UVRAG: variants seen among roughly 807,000 people sequenced by gnomAD.
UVRAG encodes the protein UV radiation resistance-associated gene protein.
Under a neutral mutation model 78.0 loss-of-function variants are expected in UVRAG, and 19 were observed. The ratio of observed to expected loss-of-function variants is 0.24; its 90% CI spans 0.17 to 0.36. The LOEUF (loss-of-function observed/expected upper bound fraction) is 0.36. Among genes scored for constraint, UVRAG ranks in the 10% least tolerant of loss-of-function variants. UVRAG has a pLI of 1.00. For synonymous variants in UVRAG, 323 were observed against 324.6 expected, an observed-to-expected ratio of 1.00 and a Z score of 0.05; for missense variants, 740 against 853.8, an observed-to-expected ratio of 0.87 and a Z score of 1.66.
chr11:76,047,957 A>G (rs1235898356), intron 12 of UVRAG, among the ~76,000 whole-genome samples: 1 of 152,178 alleles, frequency 6.6e-6, no homozygotes, highest in East Asian at 1.9e-4. Flanking sequence ...GCAGAACTAA[A>G]CCATATGTTT....
At chr11:76,077,034 C>G (rs1287670260) in intron 13 of UVRAG, among the ~76,000 whole-genome samples, 1 of 149,714 alleles carries the variant, frequency 6.7e-6, no homozygotes, top group Non-Finnish European at 1.5e-5. Flanking sequence ...AAAAAGATGT[C>G]TATTGAAAGA....
chr11:76,030,163 A>G (rs1290618398), intron 12 of UVRAG, among the ~76,000 whole-genome samples: 3 of 152,020 alleles, frequency 2.0e-5, no homozygotes, highest in African/African-American at 4.8e-5. Context: ...AAAAAACTGT[A>G]TGAGTCACTC....
At chr11:75,961,628 A>C (rs1948913008) in intron 7 of UVRAG, 79 bp downstream of exon 7, 18 of 1,124,722 alleles carry the variant, frequency 1.6e-5, no homozygotes, top group Non-Finnish European at 1.4e-5. Flanking sequence ...GTTAATTTTA[A>C]AAAACGCTTT....
At chr11:75,898,756 G>A (rs1472405222) in intron 5 of UVRAG, among the ~76,000 whole-genome samples, 2 of 152,074 alleles carry the variant, frequency 1.3e-5, no homozygotes, top group Non-Finnish European at 2.9e-5. Flanking sequence ...CGTCTTAGGG[G>A]GGCAAGTAGT....
chr11:76,064,733 C>G (rs994019752), intron 12 of UVRAG, among the ~76,000 whole-genome samples: 1 of 152,082 alleles, frequency 6.6e-6, no homozygotes, highest in African/African-American at 2.4e-5. Context: ...ATAATATCCT[C>G]TAGGCTTTAT....
intron 4 of UVRAG, among the ~76,000 whole-genome samples, chr11:75,883,200 T>C (rs1283492515): frequency 6.6e-6 from 1 of 152,028 alleles, no homozygotes; most frequent in Non-Finnish European, 1.5e-5. Context: ...CCTGAAGGGC[T>C]TTTTTGGCTA....
At chr11:76,137,116 T>TA in intron 14 of UVRAG, 1 of 268,678 alleles carries the variant, frequency 3.7e-6, no homozygotes, top group Middle Eastern at 4.5e-4. Context: ...ATATAATAAA[T>TA]ACAGCATATT....
At position 76,143,585 on chromosome 11, in the gene UVRAG, G is replaced by A. The variant is rs1786776324; in HGVS notation, c.*2172G>A. On this transcript the variant is annotated 3_prime_UTR_variant, in exon 15 of 15. Transcript: ENST00000356136. ...TCGACCCACACAGCCCCGTGGTGAT[G>A]CCTCAAAACACCACTTAGGTTTGGG... is the stretch of plus-strand genomic sequence containing the variant. Among the ~76,000 whole-genome samples the A allele has an allele frequency of 6.6e-6, 1 of 152,252 alleles. No homozygotes were observed. Among genetic ancestry groups the A allele is most frequent in the South Asian group, 2.1e-4 (1 of 4,836 alleles).
chr11:76,082,534 C>T (rs866488232), intron 13 of UVRAG, among the ~76,000 whole-genome samples: 13 of 56,986 alleles, frequency 2.3e-4, no homozygotes, highest in African/African-American at 6.9e-4. Flanking sequence ...AGCGAGACTC[C>T]GTCCCAAAAA....
intron 1 of UVRAG, among the ~76,000 whole-genome samples, chr11:75,845,168 T>C (rs1011118104): frequency 6.6e-6 from 1 of 152,188 alleles, no homozygotes; most frequent in Non-Finnish European, 1.5e-5. Context: ...TTAGTGAATG[T>C]TTTTAACCTT....
intron 6 of UVRAG, among the ~76,000 whole-genome samples, chr11:75,919,520 C>T (rs1947929189): frequency 6.6e-6 from 1 of 152,166 alleles, no homozygotes; most frequent in East Asian, 1.9e-4. Flanking sequence ...AGTGATAAAT[C>T]ATATTAGCTA....
intron 13 of UVRAG, among the ~76,000 whole-genome samples, chr11:76,111,113 T>G (rs1446797292): frequency 6.6e-6 from 1 of 152,094 alleles, no homozygotes; most frequent in East Asian, 1.9e-4. Flanking sequence ...CTGAATATGT[T>G]TGTTTAAGTC....
chr11:75,904,161 A>G (rs1391386803), intron 5 of UVRAG, among the ~76,000 whole-genome samples: 2 of 152,204 alleles, frequency 1.3e-5, no homozygotes, highest in African/African-American at 4.8e-5. Flanking sequence ...TTTATGGAAA[A>G]AGTTTGCTGA....
chr11:75,843,023 TG>T (rs774242293), intron 1 of UVRAG, among the ~76,000 whole-genome samples: 1 of 152,180 alleles, frequency 6.6e-6, no homozygotes, highest in Non-Finnish European at 1.5e-5. Context: ...GCCATTTCCT[TG>T]TCTTTGGTTA....
intron 12 of UVRAG, among the ~76,000 whole-genome samples, chr11:76,028,278 C>G (rs966074449): frequency 1.3e-5 from 2 of 152,072 alleles, no homozygotes; most frequent in Admixed American, 6.6e-5. Context: ...AGCTCTTCCC[C>G]CATCTCTCTC....
At position 75,815,360 on chromosome 11, in the gene UVRAG, G is replaced by T. The variant is rs1945234720; in HGVS notation, c.-48G>T. 8 of 1,060,238 alleles carry T rather than the reference G, an allele frequency of 7.5e-6. No individual in the cohort carries two copies. The highest frequency in any genetic ancestry group is 9.7e-6 in the Non-Finnish European group (8 of 826,732). The allele number at this position is 1,060,238 out of a possible 1,614,324, so 65.7% of individuals were successfully genotyped here. Reference sequence around the variant, plus strand: ...AGGTGGTGGCAAGGGGGCGGCGGCGGATGCCGGAAGAGTGCCCGCCCCGCC... The same window carrying T: ...AGGTGGTGGCAAGGGGGCGGCGGCGTATGCCGGAAGAGTGCCCGCCCCGCC... On this transcript the variant is annotated 5_prime_UTR_variant, in exon 1 of 15. Coordinates refer to ENST00000356136, the MANE Select transcript of UVRAG (RefSeq NM_003369.4).
chr11:76,024,780 T>C (rs1228652286), intron 12 of UVRAG, among the ~76,000 whole-genome samples: 1 of 152,202 alleles, frequency 6.6e-6, no homozygotes, highest in East Asian at 1.9e-4. Flanking sequence ...CAGTTATTCT[T>C]AGCCTGGATC....
At chr11:75,988,249 G>A (rs981767708) in intron 8 of UVRAG, among the ~76,000 whole-genome samples, 9 of 152,186 alleles carry the variant, frequency 5.9e-5, no homozygotes, top group Non-Finnish European at 4.4e-5. Context: ...ATTGTAAACA[G>A]CTTTTTGGCC....
intron 14 of UVRAG, among the ~76,000 whole-genome samples, chr11:76,116,528 A>G (rs1397015098): frequency 6.6e-6 from 1 of 152,218 alleles, no homozygotes; most frequent in Non-Finnish European, 1.5e-5. Context: ...CCGTGAGGGC[A>G]AGCTGCTGCT....
Sources: gnomAD v4.1 joint callset for allele counts (sites outside exome capture counted in the v4.1 genomes callset) on GRCh38, gnomAD v4.1.1 for gene constraint, MANE v1.5 for transcripts, NCBI Gene and HGNC (gene_info 2026-07-23, HGNC 2026-07-21) for gene names.